Variants in SLCO5A1 observed in about 807,000 individuals in gnomAD.
SLCO5A1 encodes solute carrier organic anion transporter family member 5A1, also known as organic anion transporter polypeptide-related protein 4.
In SLCO5A1, 39 loss-of-function variants were observed where a neutral mutation model predicts 65.1. That is an observed-to-expected ratio of 0.60 (90% CI 0.46 to 0.78). SLCO5A1 has a LOEUF of 0.78. SLCO5A1 is among the 30% of genes least tolerant of loss of function. The pLI is 0.00. For synonymous variants in SLCO5A1, 438 were observed against 415.7 expected, an observed-to-expected ratio of 1.05 and a Z score of -0.65; for missense variants, 1,029 against 1,069.4, an observed-to-expected ratio of 0.96 and a Z score of 0.53.
At chr8:69,735,306 G>A (rs1036604995) in intron 5 of SLCO5A1, among the ~76,000 whole-genome samples, 1 of 152,104 alleles carries the variant, frequency 6.6e-6, no homozygotes, top group Admixed American at 6.6e-5. Flanking sequence ...TTGGCCCAGC[G>A]ATCCCATTAC....
intron 2 of SLCO5A1, among the ~76,000 whole-genome samples, chr8:69,822,490 A>G (rs1425078489): frequency 6.6e-6 from 1 of 152,250 alleles, no homozygotes; most frequent in Non-Finnish European, 1.5e-5. Context: ...GTTTCCCAGG[A>G]GTGCTCTCCT....
chr8:69,725,891 A>G (rs1040675220), intron 5 of SLCO5A1, among the ~76,000 whole-genome samples: 2 of 152,074 alleles, frequency 1.3e-5, no homozygotes, highest in African/African-American at 2.4e-5. Flanking sequence ...CCTGACTTCT[A>G]TTCACAAAAA....
Position 69,832,497 on chromosome 8 carries a change from C to T in SLCO5A1, c.177G>A (p.Pro59=), listed in dbSNP as rs920957737. The change falls in exon 2 of 10, where the codon CCG becomes CCA. Residue 59 remains proline, a synonymous_variant. Coordinates refer to ENST00000260126, the MANE Select transcript of SLCO5A1 (RefSeq NM_030958.3). The surrounding 1 kb of genome is among the most constrained non-coding windows in gnomAD (Gnocchi z 4.5). ...SLSPTSGDAN[P]AFGCVDSSGH... is the part of the protein sequence containing the mutation. Reference sequence around the variant, plus strand: ...CCGAAGAATCCACACAGCCAAAGGCCGGGTTGGCGTCTCCACTAGTGGGAC... The same window carrying T: ...CCGAAGAATCCACACAGCCAAAGGCTGGGTTGGCGTCTCCACTAGTGGGAC... 1.1e-5 allele frequency: 17 copies of T among 1,609,806 alleles called. No homozygotes were observed. The African/African-American group carries it at 1.5e-4, about 14-fold the overall frequency.
chr8:69,704,835 G>T, intron 6 of SLCO5A1, 196 bp downstream of exon 6: 1 of 580,862 alleles, frequency 1.7e-6, no homozygotes, highest in East Asian at 2.8e-5. Flanking sequence ...GGGTCAGAAG[G>T]GGCACAGAGG....
At chr8:69,751,954 A>G (rs954586149) in intron 4 of SLCO5A1, among the ~76,000 whole-genome samples, 3 of 152,164 alleles carry the variant, frequency 2.0e-5, no homozygotes, top group African/African-American at 4.8e-5. Flanking sequence ...CAAAAAGCCA[A>G]GCGTGGTGGC....
At position 69,832,281 on chromosome 8, in the gene SLCO5A1, C is replaced by A; in HGVS notation, c.393G>T (p.Leu131=). Residue 131 remains leucine (L), a synonymous_variant, in exon 2 of 10, where the codon CTG becomes CTT. Transcript: ENST00000260126. The surrounding 1 kb of genome is among the most constrained non-coding windows in gnomAD (Gnocchi z 4.5). ...YVVLTDSRCF[L]VCMCFLTFIQ... is the part of the protein sequence containing the mutation. ...TGAAGGTCAGAAAGCACATGCACAC[C>A]AGGAAGCAACGGGAATCCGTGAGGA... is the stretch of plus-strand genomic sequence containing the variant. 1 of 1,614,212 alleles carries A rather than the reference C, an allele frequency of 6.2e-7. No homozygotes were observed. Among genetic ancestry groups the A allele is most frequent in the Non-Finnish European group, 8.5e-7 (1 of 1,180,038 alleles).
chr8:69,691,382 G>A (rs906239574), intron 6 of SLCO5A1, among the ~76,000 whole-genome samples: 2 of 152,172 alleles, frequency 1.3e-5, no homozygotes, highest in East Asian at 1.9e-4. Flanking sequence ...TCTTAACAAA[G>A]TTTTAAGTGT....
intron 6 of SLCO5A1, chr8:69,700,546 G>A (rs1025690363): frequency 6.6e-6 from 1 of 152,146 alleles, no homozygotes; most frequent in African/African-American, 2.4e-5. Context: ...TCTCCAGTCA[G>A]AAAGAGCTCA....
At chr8:69,769,097 T>A (rs1240313520) in intron 2 of SLCO5A1, among the ~76,000 whole-genome samples, 1 of 152,126 alleles carries the variant, frequency 6.6e-6, no homozygotes, top group African/African-American at 2.4e-5. Flanking sequence ...GAACATCCTG[T>A]GTACACTTGA....
At chr8:69,730,985 T>C (rs1586735712) in intron 5 of SLCO5A1, among the ~76,000 whole-genome samples, 1 of 151,530 alleles carries the variant, frequency 6.6e-6, no homozygotes, top group Admixed American at 6.6e-5. Context: ...ATTAGGTTGG[T>C]GCAAAAGTAA....
intron 2 of SLCO5A1, among the ~76,000 whole-genome samples, chr8:69,786,209 A>T (rs1819036372): frequency 1.3e-5 from 2 of 152,242 alleles, no homozygotes; most frequent in Admixed American, 1.3e-4. Context: ...GATGTATCTA[A>T]CTATCTCATA....
chr8:69,715,912 C>G (rs1392104060), intron 5 of SLCO5A1, among the ~76,000 whole-genome samples: 1 of 152,154 alleles, frequency 6.6e-6, no homozygotes, highest in African/African-American at 2.4e-5. Context: ...GCAATCATCA[C>G]TAAAATTTTA....
intron 5 of SLCO5A1, among the ~76,000 whole-genome samples, chr8:69,729,735 T>A (rs1227571749): frequency 6.6e-6 from 1 of 152,110 alleles, no homozygotes; most frequent in Non-Finnish European, 1.5e-5. Flanking sequence ...AGATTCGTAA[T>A]ATGCTGCAAG....
chr8:69,779,849 G>A (rs1449706333), intron 2 of SLCO5A1, among the ~76,000 whole-genome samples: 1 of 152,060 alleles, frequency 6.6e-6, no homozygotes, highest in Non-Finnish European at 1.5e-5. Context: ...AAAAGAGAGA[G>A]TCAACAGAGT....
intron 4 of SLCO5A1, among the ~76,000 whole-genome samples, chr8:69,742,794 CTT>C (rs10633803): frequency 6.0e-5 from 5 of 83,190 alleles, no homozygotes; most frequent in Admixed American, 1.6e-4. Context: ...TGAGTGGATT[CTT>C]TTTTTTTTTT....
In SLCO5A1 at chr8:69,758,366, T is replaced by TG. The variant is rs550139004; in HGVS notation, c.1041-2726dup. Among the ~76,000 whole-genome samples the TG allele has an allele frequency of 2.3e-3, 351 of 151,974 alleles. 2 individuals carry two copies. The highest frequency in any genetic ancestry group is 0.017 in the Middle Eastern group (5 of 294). On this transcript the variant is annotated intron_variant, in intron 3 of 9. Coordinates refer to ENST00000260126, the MANE Select transcript of SLCO5A1 (RefSeq NM_030958.3). Reference sequence around the variant, plus strand: ...AATTTTTTACTGTTTTGTAGAGAAGTGGGGGGTCTCACTATGTTGCCCAGG... The same window carrying TG: ...AATTTTTTACTGTTTTGTAGAGAAGTGGGGGGGTCTCACTATGTTGCCCAGG...
At chr8:69,674,019 T>C (rs892919178) in intron 9 of SLCO5A1, among the ~76,000 whole-genome samples, 1 of 152,206 alleles carries the variant, frequency 6.6e-6, no homozygotes, top group Non-Finnish European at 1.5e-5. Context: ...AAAAAAAGTC[T>C]ACCTAGTACA....
chr8:69,832,499 G>A lies in SLCO5A1; in HGVS notation c.175C>T (p.Pro59Ser). The A allele has an allele frequency of 6.2e-7, 1 of 1,610,264 alleles. No individual in the cohort carries two copies. Among genetic ancestry groups the A allele is most frequent in the Non-Finnish European group, 8.5e-7 (1 of 1,178,530 alleles). The change falls in exon 2 of 10, where the codon CCG becomes TCG. Residue 59 changes from proline to serine, a missense_variant. By Grantham distance (74) the Pro-to-Ser change is moderately conservative. Transcript: ENST00000260126. This position sits in a 1 kb window ranked among gnomAD's most constrained non-coding sequence, Gnocchi z 4.5. ...GAAGAATCCACACAGCCAAAGGCCG[G>A]GTTGGCGTCTCCACTAGTGGGACTG... The part of the protein sequence containing the change: ...SLSPTSGDAN[P>S]AFGCVDSSGH...
Position 69,832,125 on chromosome 8 carries a change from C to T in SLCO5A1, c.549G>A (p.Val183=). The change falls in exon 2 of 10, where the codon GTG becomes GTA. Residue 183 remains valine (V), a synonymous_variant. Coordinates refer to ENST00000260126, the MANE Select transcript of SLCO5A1 (RefSeq NM_030958.3). The surrounding 1 kb of genome is among the most constrained non-coding windows in gnomAD (Gnocchi z 4.5). ...CFDIGNLVVV[V]FVSYFGGRGR... Reference sequence around the variant, plus strand: ...CCCGGCCGCCGAAGTAGCTGACGAACACCACCACCACCAGGTTCCCGATGT... The same window carrying T: ...CCCGGCCGCCGAAGTAGCTGACGAATACCACCACCACCAGGTTCCCGATGT... The T allele has an allele frequency of 6.2e-7, 1 of 1,613,978 alleles. No homozygotes were observed. The highest frequency in any genetic ancestry group is 8.5e-7 in the Non-Finnish European group (1 of 1,179,988).
Sources: allele counts gnomAD v4.1 joint callset (sites outside exome capture counted in the v4.1 genomes callset), GRCh38; gene constraint gnomAD v4.1.1; non-coding constraint Gnocchi (gnomAD v3.1); transcripts MANE v1.5; gene names NCBI Gene and HGNC (gene_info 2026-07-23, HGNC 2026-07-21).